Variants in DAB1 observed in about 807,000 individuals in gnomAD.
DAB1 encodes the protein disabled homolog 1.
DAB1 carries 15 observed loss-of-function variants against 64.6 expected under a neutral mutation model. The ratio of observed to expected loss-of-function variants is 0.23; its 90% CI spans 0.16 to 0.36. The LOEUF is 0.36. DAB1 is among the 10% of genes least tolerant of loss of function. The pLI, the probability that DAB1 is intolerant of heterozygous loss-of-function variation, is 1.00. For synonymous variants in DAB1, 235 were observed against 251.9 expected (o/e 0.93, Z 0.64); for missense variants, 596 against 706.7 (o/e 0.84, Z 1.78).
At chr1:57,519,980 G>A (rs574909409) in intron 7 of DAB1, among the ~76,000 whole-genome samples, 10 of 152,256 alleles carry the variant, frequency 6.6e-5, no homozygotes, top group Non-Finnish European at 8.8e-5. Flanking sequence ...TTCTTTAAAC[G>A]ATGTAATAGT....
intron 5 of DAB1, among the ~76,000 whole-genome samples, chr1:58,027,872 G>A (rs1205885100): frequency 1.3e-5 from 2 of 152,168 alleles, no homozygotes; most frequent in Non-Finnish European, 2.9e-5. Flanking sequence ...AGGAGCAAAT[G>A]CAGAAAGAAT....
chr1:58,168,959 G>A (rs1656011766), intron 4 of DAB1, among the ~76,000 whole-genome samples: 1 of 152,172 alleles, frequency 6.6e-6, no homozygotes, highest in South Asian at 2.1e-4. Flanking sequence ...GGACAGGCAA[G>A]GTTGCAGGTT....
At chr1:57,044,147 C>T (rs1648161166) in intron 9 of DAB1, among the ~76,000 whole-genome samples, 3 of 152,328 alleles carry the variant, frequency 2.0e-5, no homozygotes, top group South Asian at 4.1e-4. Context: ...CTGACTCCAC[C>T]TAATGCAGGA....
intron 5 of DAB1, among the ~76,000 whole-genome samples, chr1:57,967,376 C>T (rs1312884213): frequency 6.6e-6 from 1 of 152,180 alleles, no homozygotes; most frequent in African/African-American, 2.4e-5. Context: ...TGATCCTGAA[C>T]TGTACTTGCT....
In DAB1 at chr1:57,777,899, T is replaced by C. The variant is rs747383561; in HGVS notation, n.551+106100A>G. On this transcript the variant is annotated intron_variant and non_coding_transcript_variant, in intron 6 of 20. Coordinates refer to the DAB1 transcript ENST00000485760. ...TTCTAGATTATGTTGTCTTCCTTTA[T>C]ACAGTGTTGAAGTTCATTTTGGCAG... 3.7e-4 allele frequency among the ~76,000 whole-genome samples: 57 copies of C among 152,152 alleles called. 1 individual carries two copies. The highest frequency in any genetic ancestry group is 7.4e-4 in the Non-Finnish European group (50 of 68,002).
At chr1:58,325,341 A>G (rs1472880510) in intron 4 of DAB1, among the ~76,000 whole-genome samples, 1 of 152,202 alleles carries the variant, frequency 6.6e-6, no homozygotes, top group South Asian at 2.1e-4. Flanking sequence ...TTCTGATTTT[A>G]CCTTTCTCTT....
In DAB1 at chr1:57,014,939, T is replaced by A; in HGVS notation, c.1388A>T (p.Asp463Val). The A allele has an allele frequency of 1.2e-6, 2 of 1,609,662 alleles. No homozygotes were observed. The highest frequency in any genetic ancestry group is 1.7e-6 in the Non-Finnish European group (2 of 1,177,702). ...AQDTDDCDDF[D>V]ISQLNLTPVT... is the part of the protein sequence containing the mutation. ...AGGGGTCAAATTCAACTGGGAGATG[T>A]CAAAGTCATCACAGTCGTCTGTATC... Residue 463 changes from aspartate (D) to valine (V), a missense_variant, in exon 12 of 15, where the codon GAC (aspartate) becomes GTC (valine). Around this residue, in one of 3 missense-constraint regions of DAB1, gnomAD observed 377 missense variants for 400.4 expected, o/e 0.94. Coordinates refer to ENST00000371236, the MANE Select transcript of DAB1 (RefSeq NM_001365792.1).
At chr1:57,158,666 A>G (rs1226527362) in intron 2 of DAB1, among the ~76,000 whole-genome samples, 1 of 152,148 alleles carries the variant, frequency 6.6e-6, no homozygotes, top group Non-Finnish European at 1.5e-5. Flanking sequence ...TTTGCAATGG[A>G]CAAATAATTA....
chr1:58,244,870 C>A (rs1221798912), intron 4 of DAB1, among the ~76,000 whole-genome samples: 1 of 152,160 alleles, frequency 6.6e-6, no homozygotes, highest in Admixed American at 6.5e-5. Context: ...ATACAGCAAG[C>A]CCTCAATAAA....
At chr1:57,961,704 C>A (rs1645525942) in intron 5 of DAB1, among the ~76,000 whole-genome samples, 1 of 152,148 alleles carries the variant, frequency 6.6e-6, no homozygotes, top group Non-Finnish European at 1.5e-5. Context: ...TGTGGTGGCT[C>A]ACGCCTGTAA....
At chr1:58,155,996 G>A (rs1017323210) in intron 4 of DAB1, among the ~76,000 whole-genome samples, 2 of 152,200 alleles carry the variant, frequency 1.3e-5, no homozygotes, top group African/African-American at 4.8e-5. Context: ...GAGGAAGAGA[G>A]TACTTTCTGA....
chr1:58,091,671 A>T (rs1050048260), intron 5 of DAB1, among the ~76,000 whole-genome samples: 1 of 151,944 alleles, frequency 6.6e-6, no homozygotes, highest in Non-Finnish European at 1.5e-5. Context: ...ATAATCCTTC[A>T]CTCACATCCT....
chr1:57,439,429 T>TTGTTTTTTTTTG lies in DAB1; in HGVS notation n.626-148264_626-148263insCAAAAAAAAACA, dbSNP rs1363290568. Among the ~76,000 whole-genome samples, 8 of 128,006 alleles carry TTGTTTTTTTTTG rather than the reference T, an allele frequency of 6.2e-5. No individual in the cohort carries two copies. The East Asian group carries it at 1.2e-3, about 20-fold the overall frequency. 84.0% of individuals were successfully genotyped at this position (128,006 alleles called of 152,430 possible). On this transcript the variant is annotated intron_variant and non_coding_transcript_variant, in intron 7 of 20. Transcript: ENST00000485760. ...AACTTGGTGATGAGGTTTTTTCTTT[T>TTGTTTTTTTTTG]TTTTTTTTTTTTTTTTTTGAGACGG...
intron 4 of DAB1, among the ~76,000 whole-genome samples, chr1:57,131,478 T>C (rs1489551482): frequency 6.6e-6 from 1 of 152,172 alleles, no homozygotes; most frequent in Admixed American, 6.5e-5. Context: ...ACATCCCAGA[T>C]ACTTCTGAGT....
chr1:57,081,035 G>C (rs3768187), intron 4 of DAB1, among the ~76,000 whole-genome samples: 28,444 of 151,962 alleles, frequency 0.19, 3,221 homozygotes, highest in East Asian at 0.49. Flanking sequence ...TATGGAAGTT[G>C]GGAGCTCCTT....
intron 4 of DAB1, among the ~76,000 whole-genome samples, chr1:58,222,008 T>C (rs12146090): frequency 0.35 from 53,523 of 152,144 alleles, 11,967 homozygotes; most frequent in Non-Finnish European, 0.51. Flanking sequence ...AGAAGCCATA[T>C]CTGGAAACCA....
chr1:57,037,549 A>G (rs1647211714), intron 9 of DAB1, among the ~76,000 whole-genome samples: 1 of 152,268 alleles, frequency 6.6e-6, no homozygotes, highest in Admixed American at 6.5e-5. Flanking sequence ...AGAGAAATGG[A>G]TTAACTTAAG....
At chr1:57,290,918 C>T (rs781406984) in intron 2 of DAB1, 46 bp downstream of exon 2, 4 of 1,231,372 alleles carry the variant, frequency 3.2e-6, no homozygotes, top group Admixed American at 1.8e-5. Context: ...AAACTCATTC[C>T]TGTGCAGAAA....
intron 5 of DAB1, among the ~76,000 whole-genome samples, chr1:58,024,086 G>T (rs1233638816): frequency 6.6e-6 from 1 of 152,146 alleles, no homozygotes; most frequent in Non-Finnish European, 1.5e-5. Flanking sequence ...TCGTAATTAT[G>T]TTTCCTGTTA....
Sources: gnomAD v4.1 joint callset for allele counts (sites outside exome capture counted in the v4.1 genomes callset) on GRCh38, gnomAD v4.1.1 for gene constraint, gnomAD v4.1.1 regional missense constraint, MANE v1.5 for transcripts, NCBI Gene and HGNC (gene_info 2026-07-23, HGNC 2026-07-21) for gene names.